Variants in RBFOX1 observed in about 807,000 individuals in gnomAD.
The protein encoded by RBFOX1 is RNA binding protein fox-1 homolog 1.
In RBFOX1, 8 loss-of-function variants were observed where a neutral mutation model predicts 57.7. That is an observed-to-expected ratio of 0.14 (90% CI 0.08 to 0.25). RBFOX1 has a LOEUF of 0.25. Ranked by LOEUF, RBFOX1 falls within the 10% of genes least tolerant of loss-of-function variation. The pLI, the probability that RBFOX1 is intolerant of heterozygous loss-of-function variation, is 1.00. For missense variants in RBFOX1, 611 were observed against 548.5 expected (o/e 1.11, Z -1.14); for synonymous variants, 326 against 222.4 (o/e 1.47, Z -4.15).
At chr16:5,281,816 T>G (rs572263409) in intron 1 of RBFOX1, among the ~76,000 whole-genome samples, 113 of 152,360 alleles carry the variant, frequency 7.4e-4, no homozygotes, top group African/African-American at 2.5e-3. Context: ...GTGTGTGTCT[T>G]TACAAGTGAA....
intron 4 of RBFOX1, among the ~76,000 whole-genome samples, chr16:7,462,588 G>A (rs889479678): frequency 6.6e-6 from 1 of 152,226 alleles, no homozygotes; most frequent in Non-Finnish European, 1.5e-5. Flanking sequence ...TGGGTCCTCT[G>A]TTTAGAGATT....
chr16:7,096,076 A>G (rs2061648724), intron 4 of RBFOX1, among the ~76,000 whole-genome samples: 1 of 152,100 alleles, frequency 6.6e-6, no homozygotes, highest in African/African-American at 2.4e-5. Context: ...AATGCATGAG[A>G]TATTGTGTGT....
chr16:6,897,881 A>T (rs1316047396), intron 3 of RBFOX1, among the ~76,000 whole-genome samples: 1 of 152,058 alleles, frequency 6.6e-6, no homozygotes, highest in Non-Finnish European at 1.5e-5. Flanking sequence ...TTCATACCCT[A>T]TATCCCCAAT....
At chr16:5,643,966 C>G (rs1231487533) in intron 3 of RBFOX1, among the ~76,000 whole-genome samples, 1 of 152,162 alleles carries the variant, frequency 6.6e-6, no homozygotes, top group Non-Finnish European at 1.5e-5. Context: ...ACATTTGTAC[C>G]TTTTCAAAAG....
intron 1 of RBFOX1, among the ~76,000 whole-genome samples, chr16:5,400,826 G>A (rs1011818525): frequency 4.6e-5 from 7 of 152,200 alleles, no homozygotes; most frequent in Admixed American, 2.6e-4. Flanking sequence ...TTGCCACTTT[G>A]ATAGGAGAGA....
At chr16:6,906,594 T>C (rs571768373) in intron 3 of RBFOX1, among the ~76,000 whole-genome samples, 1 of 152,320 alleles carries the variant, frequency 6.6e-6, no homozygotes, top group South Asian at 2.1e-4. Flanking sequence ...CAGTAGTGTT[T>C]CCAGTAAATC....
At chr16:6,420,371 T>A (rs1171371859) in intron 2 of RBFOX1, among the ~76,000 whole-genome samples, 1 of 152,198 alleles carries the variant, frequency 6.6e-6, no homozygotes, top group Non-Finnish European at 1.5e-5. Flanking sequence ...TTTCATTTTT[T>A]ATTTTTTTAC....
At chr16:6,940,197 T>C (rs1414364939) in intron 3 of RBFOX1, among the ~76,000 whole-genome samples, 1 of 113,440 alleles carries the variant, frequency 8.8e-6, no homozygotes, top group Non-Finnish European at 2.1e-5. Flanking sequence ...ATCTCAAAAA[T>C]AAAAATAAAT....
chr16:5,706,644 T>G (rs1043952976), intron 3 of RBFOX1, among the ~76,000 whole-genome samples: 2 of 152,244 alleles, frequency 1.3e-5, no homozygotes, highest in Non-Finnish European at 2.9e-5. Context: ...AGTGTCTCTC[T>G]GGAGGAAAAT....
chr16:6,485,275 T>A (rs933749160), intron 2 of RBFOX1, among the ~76,000 whole-genome samples: 1 of 152,194 alleles, frequency 6.6e-6, no homozygotes, highest in African/African-American at 2.4e-5. Flanking sequence ...ACTCAGAGGT[T>A]ATGAAGAGGG....
intron 2 of RBFOX1, among the ~76,000 whole-genome samples, chr16:5,524,672 C>T (rs2044168355): frequency 6.6e-6 from 1 of 151,834 alleles, no homozygotes; most frequent in African/African-American, 2.4e-5. Flanking sequence ...TTCCAAGTAG[C>T]CGGGATTACA....
chr16:5,734,928 GGTTTGGCA>G (rs1455473429), intron 3 of RBFOX1, among the ~76,000 whole-genome samples: 1 of 152,138 alleles, frequency 6.6e-6, no homozygotes, highest in Non-Finnish European at 1.5e-5. Context: ...TCTAGCACAG[GGTTTGGCA>G]TATAGTAGAT....
intron 2 of RBFOX1, among the ~76,000 whole-genome samples, chr16:6,534,382 G>A (rs987599434): frequency 2.0e-5 from 3 of 152,074 alleles, no homozygotes; most frequent in Non-Finnish European, 4.4e-5. Flanking sequence ...GGAGAAATTG[G>A]CCTATGGGGA....
At chr16:7,194,167 C>A (rs2086116340) in intron 4 of RBFOX1, among the ~76,000 whole-genome samples, 1 of 152,188 alleles carries the variant, frequency 6.6e-6, no homozygotes, top group African/African-American at 2.4e-5. Context: ...TTAAACATCT[C>A]TCTAATACTT....
intron 3 of RBFOX1, among the ~76,000 whole-genome samples, chr16:6,754,711 TTTA>T (rs1272403462): frequency 6.6e-6 from 1 of 152,100 alleles, no homozygotes; most frequent in Non-Finnish European, 1.5e-5. Context: ...TTGTTTTTTT[TTTA>T]TTATTATAGT....
At chr16:7,228,585 C>G (rs2093297113) in intron 4 of RBFOX1, among the ~76,000 whole-genome samples, 2 of 152,192 alleles carry the variant, frequency 1.3e-5, no homozygotes, top group South Asian at 4.1e-4. Context: ...CATGGCCACA[C>G]AGCCGTAAGG....
intron 3 of RBFOX1, among the ~76,000 whole-genome samples, chr16:6,945,478 T>G (rs2079322319): frequency 6.6e-6 from 1 of 152,196 alleles, no homozygotes; most frequent in Non-Finnish European, 1.5e-5. Context: ...TGATTTTTTT[T>G]TTTGTAAAAT....
chr16:5,667,850 A>G (rs2049894989), intron 3 of RBFOX1, among the ~76,000 whole-genome samples: 1 of 152,206 alleles, frequency 6.6e-6, no homozygotes, highest in Non-Finnish European at 1.5e-5. Context: ...ATGAGACTTT[A>G]TAGTGAAGTG....
chr16:7,578,925 G>T (rs966851370), intron 5 of RBFOX1, among the ~76,000 whole-genome samples: 1 of 152,180 alleles, frequency 6.6e-6, no homozygotes, highest in African/African-American at 2.4e-5. Flanking sequence ...ATGTTATACA[G>T]CCTTATTTGG....
Sources: gnomAD v4.1 joint callset for allele counts (sites outside exome capture counted in the v4.1 genomes callset) on GRCh38, gnomAD v4.1.1 for gene constraint, MANE v1.5 for transcripts, NCBI Gene and HGNC (gene_info 2026-07-23, HGNC 2026-07-21) for gene names.